The following MAK variants were observed in gnomAD, a reference collection of about 807,000 sequenced individuals.
MAK encodes the protein serine/threonine-protein kinase MAK.
MAK carries 65 observed loss-of-function variants against 82.6 expected under a neutral mutation model. The ratio of observed to expected loss-of-function variants is 0.79; its 90% confidence interval spans 0.64 to 0.97. The LOEUF (loss-of-function observed/expected upper bound fraction) is 0.97. MAK is among the 50% of genes least tolerant of loss of function. The pLI is 0.00. For synonymous variants in MAK, 250 were observed against 274.2 expected (o/e 0.91, Z 0.87); for missense variants, 703 against 780.2 (o/e 0.90, Z 1.18).
chr6:10,794,049 A>C (rs1775307611), intron 9 of MAK, among the ~76,000 whole-genome samples: 1 of 152,188 alleles, frequency 6.6e-6, no homozygotes, highest in African/African-American at 2.4e-5. Flanking sequence ...AGAGCCCTTA[A>C]GGGAATTGGA....
intron 11 of MAK, among the ~76,000 whole-genome samples, chr6:10,777,002 C>T (rs185814610): frequency 2.0e-5 from 3 of 151,336 alleles, no homozygotes; most frequent in Non-Finnish European, 4.4e-5. Flanking sequence ...AGCCCGAGAT[C>T]GCACCACTGC....
At position 10,764,441 on chromosome 6, in the gene MAK, A is replaced by G; in HGVS notation, c.*11T>C. 6.2e-7 allele frequency: 1 copy of G among 1,613,588 alleles called. No individual in the cohort carries two copies. The highest frequency in any genetic ancestry group is 8.5e-7 in the Non-Finnish European group (1 of 1,179,750). On this transcript the variant is annotated 3_prime_UTR_variant, in exon 15 of 15. Transcript: ENST00000354489. ...ACGGAGCAATGCTGTAGGGTTTCACACCATAGACTCCTACCGGTGGCCTCC... is the reference window on the plus strand; with the variant it reads ...ACGGAGCAATGCTGTAGGGTTTCACGCCATAGACTCCTACCGGTGGCCTCC...
At chr6:10,816,336 T>C (rs1777502332) in intron 4 of MAK, among the ~76,000 whole-genome samples, 2 of 152,108 alleles carry the variant, frequency 1.3e-5, no homozygotes, top group African/African-American at 4.8e-5. Flanking sequence ...CCTCGCAAAG[T>C]ACTGGATTAA....
intron 10 of MAK, among the ~76,000 whole-genome samples, chr6:10,786,008 G>A (rs547478471): frequency 6.6e-6 from 1 of 152,298 alleles, no homozygotes; most frequent in African/African-American, 2.4e-5. Flanking sequence ...ACTTTGAGAG[G>A]CAAAGGCAGG....
rs111859354 is a variant in MAK at position 10,810,345 on chromosome 6, C to CTTTT, written c.359-1407_359-1404dup. On this transcript the variant is annotated intron_variant, in intron 5 of 14. Coordinates refer to ENST00000354489, the MANE Select transcript of MAK (RefSeq NM_001242957.3). ...TGGGAAGACTTTCTTTTATCTTTTT[C>CTTTT]TTTTTTTTTTTTTTTTTTTGTTTTG... is the stretch of plus-strand genomic sequence containing the variant. Among the ~76,000 whole-genome samples, 16 of 121,674 alleles carry CTTTT rather than the reference C, an allele frequency of 1.3e-4. 1 individual carries two copies. The highest frequency in any genetic ancestry group is 2.0e-4 in the Non-Finnish European group (12 of 58,882). 79.8% of individuals were successfully genotyped at this position (121,674 alleles called of 152,430 possible).
chr6:10,818,848 A>C, intron 3 of MAK, 38 bp downstream of exon 3: 1 of 1,133,032 alleles, frequency 8.8e-7, no homozygotes, highest in Non-Finnish European at 1.3e-6. Context: ...AGGTAGTGTT[A>C]AGGCCTTCTC....
At position 10,808,835 on chromosome 6, in the gene MAK, A is replaced by G. The variant is rs1298642816; in HGVS notation, c.466T>C (p.Tyr156His). ...LARELRSQPP[Y>H]TDYVSTRWYR... ...CATCTGGTAGATACATAATCAGTGT[A>G]TGGTGGCTGTGACCTTAATTCTCTT... Residue 156 changes from tyrosine to histidine, a missense_variant, in exon 6 of 15, where the codon TAC becomes CAC. Tyr to His is a moderately conservative substitution (Grantham distance 83). Transcript: ENST00000354489. 1 of 1,614,086 alleles carries G rather than the reference A, an allele frequency of 6.2e-7. No homozygotes were observed. The highest frequency in any genetic ancestry group is 8.5e-7 in the Non-Finnish European group (1 of 1,179,968).
At chr6:10,789,162 GAAAA>G (rs58231573) in intron 10 of MAK, among the ~76,000 whole-genome samples, 3 of 80,000 alleles carry the variant, frequency 3.7e-5, no homozygotes, top group Non-Finnish European at 8.4e-5. Context: ...AAGCAAAAAA[GAAAA>G]AAAAAAAAAA....
At chr6:10,801,400 A>G (rs1432342685) in intron 8 of MAK, among the ~76,000 whole-genome samples, 1 of 152,216 alleles carries the variant, frequency 6.6e-6, no homozygotes, top group African/African-American at 2.4e-5. Context: ...ACAAAGGAAC[A>G]AAGCCTGGGT....
chr6:10,788,775 T>C (rs1181434189), intron 10 of MAK, among the ~76,000 whole-genome samples: 2 of 152,110 alleles, frequency 1.3e-5, no homozygotes, highest in African/African-American at 4.8e-5. Context: ...AAATCTCCCA[T>C]ATACTACATC....
At chr6:10,803,590 G>T in intron 7 of MAK, 130 bp downstream of exon 7, 1 of 715,818 alleles carries the variant, frequency 1.4e-6, no homozygotes, top group Non-Finnish European at 2.4e-6. Context: ...TAAAGTATGA[G>T]CCTATTTCAA....
At chr6:10,773,613 ATAAGTT>A (rs780888075) in intron 12 of MAK, among the ~76,000 whole-genome samples, 22 of 152,300 alleles carry the variant, frequency 1.4e-4, no homozygotes, top group Admixed American at 2.6e-4. Context: ...ATTTTTAATC[ATAAGTT>A]TAACAGTTGC....
In MAK at chr6:10,805,346, G is replaced by A. The variant is rs1396429461; in HGVS notation, c.492-1455C>T. Among the ~76,000 whole-genome samples, 3 of 152,108 alleles carry A rather than the reference G, an allele frequency of 2.0e-5. No homozygotes were observed. The South Asian group carries it at 6.2e-4, about 32-fold the overall frequency. On this transcript the variant is annotated intron_variant, in intron 6 of 14. Transcript: ENST00000354489. ...CTCACACCTGTAATTGCAGCACTTTGGGAGACCAAGGCGGGTGAATCATGA... is the reference window on the plus strand; with the variant it reads ...CTCACACCTGTAATTGCAGCACTTTAGGAGACCAAGGCGGGTGAATCATGA...
At chr6:10,795,351 AG>A (rs1233349439) in intron 9 of MAK, among the ~76,000 whole-genome samples, 10 of 152,060 alleles carry the variant, frequency 6.6e-5, no homozygotes, top group African/African-American at 2.4e-4. Flanking sequence ...CTGAGGCAAG[AG>A]AACTGCTTGA....
chr6:10,837,048 G>T (rs1370214023), intron 1 of MAK, among the ~76,000 whole-genome samples: 1 of 152,192 alleles, frequency 6.6e-6, no homozygotes, highest in African/African-American at 2.4e-5. Context: ...GATTAAAGAA[G>T]ATTAGCAAAG....
intron 8 of MAK, chr6:10,797,648 T>A (rs1333095117): frequency 5.1e-6 from 5 of 985,314 alleles, no homozygotes; most frequent in Non-Finnish European, 4.8e-6. Context: ...TTTGGGGGGA[T>A]GGGTTCCTTA....
intron 14 of MAK, among the ~76,000 whole-genome samples, chr6:10,766,380 C>T (rs1028422519): frequency 2.6e-5 from 4 of 152,194 alleles, no homozygotes; most frequent in East Asian, 3.8e-4. Context: ...GTAAGACAGC[C>T]GCCTGGCTGC....
intron 6 of MAK, among the ~76,000 whole-genome samples, chr6:10,808,297 GCAGT>G (rs1380137369): frequency 2.6e-5 from 4 of 152,194 alleles, no homozygotes; most frequent in Non-Finnish European, 4.4e-5. Flanking sequence ...ATTGCTGCAT[GCAGT>G]CATAGACCCT....
At chr6:10,785,605 C>T (rs1470089935) in intron 10 of MAK, among the ~76,000 whole-genome samples, 3 of 152,242 alleles carry the variant, frequency 2.0e-5, no homozygotes, top group East Asian at 1.9e-4. Flanking sequence ...GGAACAGTCC[C>T]GCCATTTCTG....
Sources: gnomAD v4.1 joint callset for allele counts (sites outside exome capture counted in the v4.1 genomes callset) on GRCh38, gnomAD v4.1.1 for gene constraint, MANE v1.5 for transcripts, NCBI Gene and HGNC (gene_info 2026-07-23, HGNC 2026-07-21) for gene names.